CHST9: variants seen among roughly 807,000 people sequenced by gnomAD.
CHST9 encodes the protein GalNAc-4-sulfotransferase 2.
CHST9 carries 41 observed loss-of-function variants against 44.4 expected under a neutral mutation model. The ratio of observed to expected loss-of-function variants is 0.92; its 90% confidence interval spans 0.72 to 1.20. CHST9 has a LOEUF of 1.20. CHST9 is among the 50% of genes most tolerant of loss of function. The pLI is 0.00. For missense variants in CHST9, 504 were observed against 516.5 expected (o/e 0.98, Z 0.23); for synonymous variants, 171 against 178.4 (o/e 0.96, Z 0.33).
At chr18:27,165,350 C>T (rs538203889) in intron 1 of CHST9, among the ~76,000 whole-genome samples, 29 of 152,206 alleles carry the variant, frequency 1.9e-4, no homozygotes, top group Admixed American at 5.2e-4. Flanking sequence ...TCGTGGATAA[C>T]ATTTACATTG....
In CHST9 at chr18:26,916,409, G is replaced by A. The variant is rs2055523080; in HGVS notation, c.1182C>T (p.Asn394=). ...CATCGGAAGAGTGCCTATCCTTAAA[G>A]TTGGGAAATTTCAGCTCCTTTGGAG... ...IGAPKELKFP[N]FKDRHSSDER... The change falls in exon 6 of 6, where the codon AAC becomes AAT. Residue 394 remains asparagine, a synonymous_variant. Transcript: ENST00000618847. 6.2e-7 allele frequency: 1 copy of A among 1,613,648 alleles called. No individual in the cohort carries two copies. Among genetic ancestry groups the A allele is most frequent in the Non-Finnish European group, 8.5e-7 (1 of 1,179,750 alleles).
chr18:26,949,776 C>T (rs1378405631), intron 4 of CHST9, among the ~76,000 whole-genome samples: 1 of 152,118 alleles, frequency 6.6e-6, no homozygotes, highest in Non-Finnish European at 1.5e-5. Flanking sequence ...CTTATCTGGA[C>T]ACAGCCAGTG....
chr18:27,026,163 T>C (rs1004417419), intron 3 of CHST9, among the ~76,000 whole-genome samples: 7 of 152,148 alleles, frequency 4.6e-5, no homozygotes, highest in Non-Finnish European at 8.8e-5. Flanking sequence ...ATCTGGCAAT[T>C]TCTTAAGGAT....
chr18:26,917,616 T>C (rs2055561555), intron 5 of CHST9, among the ~76,000 whole-genome samples: 1 of 152,124 alleles, frequency 6.6e-6, no homozygotes, highest in Non-Finnish European at 1.5e-5. Context: ...TGCAATAGGA[T>C]GTAACTCAAC....
At chr18:27,007,459 G>C (rs1037153444) in intron 4 of CHST9, among the ~76,000 whole-genome samples, 1 of 152,194 alleles carries the variant, frequency 6.6e-6, no homozygotes, top group Non-Finnish European at 1.5e-5. Flanking sequence ...TAGGCAGGTG[G>C]TTACGTGGCT....
At chr18:27,089,871 C>T (rs576834560) in intron 2 of CHST9, among the ~76,000 whole-genome samples, 24 of 147,686 alleles carry the variant, frequency 1.6e-4, no homozygotes, top group Non-Finnish European at 5.9e-5. Context: ...AGTGCAGTCA[C>T]GCGATCTGGG....
rs2055474012 is a variant in CHST9, at chr18:26,913,793, A to AGCT, written c.*2463_*2465dup. On this transcript the variant is annotated 3_prime_UTR_variant, in exon 6 of 6. Transcript: ENST00000618847. ...GGCAGAAATGACAAAGGTGAATGTG[A>AGCT]GCTGGTCTGCAAGGCCAAATAAGTC... 6.6e-6 allele frequency: 1 copy of AGCT among 152,200 alleles called. No individual in the cohort carries two copies. Among genetic ancestry groups the AGCT allele is most frequent in the Admixed American group, 6.6e-5 (1 of 15,264 alleles). The allele number at this position is 152,200 out of a possible 1,614,324, so 9.4% of individuals were successfully genotyped here.
intron 1 of CHST9, among the ~76,000 whole-genome samples, chr18:27,160,864 T>C (rs1046603297): frequency 1.1e-4 from 17 of 152,214 alleles, no homozygotes; most frequent in African/African-American, 4.1e-4. Flanking sequence ...CAGGAATGTA[T>C]CCATTTCTTC....
chr18:27,026,338 C>T (rs1250167144), intron 3 of CHST9, among the ~76,000 whole-genome samples: 1 of 152,130 alleles, frequency 6.6e-6, no homozygotes. Flanking sequence ...TGGGATGATC[C>T]AGTCTGGTTC....
chr18:27,148,113 G>A (rs2058629197), intron 1 of CHST9, among the ~76,000 whole-genome samples: 1 of 152,066 alleles, frequency 6.6e-6, no homozygotes, highest in African/African-American at 2.4e-5. Context: ...AGAACATGCA[G>A]TATTTGGTTT....
At chr18:26,942,296 G>T (rs1042890136) in intron 5 of CHST9, among the ~76,000 whole-genome samples, 1 of 152,120 alleles carries the variant, frequency 6.6e-6, no homozygotes, top group Admixed American at 6.5e-5. Context: ...CTTGGGAGAA[G>T]AATGAATAGA....
intron 1 of CHST9, among the ~76,000 whole-genome samples, chr18:27,165,205 CAAT>C (rs1598772867): frequency 1.3e-5 from 2 of 152,186 alleles, no homozygotes; most frequent in Admixed American, 6.5e-5. Flanking sequence ...AATATTTAGA[CAAT>C]GATGAAGAGC....
rs2055412128 is a variant in CHST9 at position 26,909,529 on chromosome 18, A to T, written c.*6730T>A. 1 of 152,224 alleles carries T rather than the reference A, an allele frequency of 6.6e-6. No homozygotes were observed. Among genetic ancestry groups the T allele is most frequent in the Non-Finnish European group, 1.5e-5 (1 of 68,046 alleles). 9.4% of individuals were successfully genotyped at this position (152,224 alleles called of 1,614,324 possible). On this transcript the variant is annotated 3_prime_UTR_variant, in exon 6 of 6. Transcript: ENST00000618847. ...TTTTTTCCTAAGGATAATCACAGTC[A>T]AACAAATAATATTGTTCTTTTAAGT...
intron 4 of CHST9, among the ~76,000 whole-genome samples, chr18:27,015,501 C>T (rs745427647): frequency 6.6e-5 from 10 of 152,198 alleles, no homozygotes; most frequent in African/African-American, 2.4e-4. Flanking sequence ...CATCTGCCTG[C>T]CCCCAGTCTT....
intron 2 of CHST9, among the ~76,000 whole-genome samples, chr18:27,077,761 C>A (rs190264390): frequency 2.0e-5 from 3 of 152,128 alleles, no homozygotes; most frequent in Non-Finnish European, 2.9e-5. Flanking sequence ...CATATAAAGA[C>A]AGAAAAATAT....
intron 4 of CHST9, among the ~76,000 whole-genome samples, chr18:26,982,494 C>A (rs1598614243): frequency 6.6e-6 from 1 of 152,060 alleles, no homozygotes; most frequent in African/African-American, 2.4e-5. Context: ...ACTAAGGAAC[C>A]TTTTGGTTCA....
chr18:26,972,124 A>C (rs993883816), intron 4 of CHST9, among the ~76,000 whole-genome samples: 1 of 152,024 alleles, frequency 6.6e-6, no homozygotes, highest in African/African-American at 2.4e-5. Context: ...TGGGAGGCCG[A>C]GGCGGGCGGA....
chr18:26,978,284 T>C (rs201607925), intron 4 of CHST9, among the ~76,000 whole-genome samples: 1 of 135,508 alleles, frequency 7.4e-6, no homozygotes, highest in African/African-American at 2.6e-5. Flanking sequence ...TGAGTGTGTG[T>C]ATGTGTGTGT....
chr18:27,061,347 C>T (rs935952169), intron 2 of CHST9, among the ~76,000 whole-genome samples: 1 of 152,186 alleles, frequency 6.6e-6, no homozygotes, highest in Admixed American at 6.5e-5. Context: ...ATATTCAATG[C>T]TAAATACACT....
Sources: allele counts gnomAD v4.1 joint callset (sites outside exome capture counted in the v4.1 genomes callset), GRCh38; gene constraint gnomAD v4.1.1; transcripts MANE v1.5; gene names NCBI Gene and HGNC (gene_info 2026-07-23, HGNC 2026-07-21).